Variants in FAM184A observed in about 807,000 individuals in gnomAD.
The protein encoded by FAM184A is family with sequence similarity 184 member A.
FAM184A carries 99 observed loss-of-function variants against 143.8 expected under a neutral mutation model. The ratio of observed to expected loss-of-function variants is 0.69; its 90% confidence interval spans 0.58 to 0.81. The LOEUF (loss-of-function observed/expected upper bound fraction) is 0.81. FAM184A is among the 40% of genes least tolerant of loss of function. FAM184A has a pLI of 0.00. For synonymous variants in FAM184A, 427 were observed against 446.4 expected (o/e 0.96, Z 0.55); for missense variants, 1,217 against 1,310.5 (o/e 0.93, Z 1.10).
At chr6:118,964,999 C>T (rs1277340832) in intron 15 of FAM184A, among the ~76,000 whole-genome samples, 1 of 152,126 alleles carries the variant, frequency 6.6e-6, no homozygotes, top group African/African-American at 2.4e-5. Flanking sequence ...CCTTTTCCTT[C>T]AAAAGTGGAC....
At chr6:119,109,212 G>A (rs1203709399) in intron 1 of FAM184A, among the ~76,000 whole-genome samples, 2 of 152,070 alleles carry the variant, frequency 1.3e-5, no homozygotes, top group East Asian at 3.9e-4. Flanking sequence ...TTGCTCTTAT[G>A]CTAATGTGTC....
intron 1 of FAM184A, among the ~76,000 whole-genome samples, chr6:119,063,768 C>G (rs559267672): frequency 1.3e-5 from 2 of 151,928 alleles, no homozygotes; most frequent in African/African-American, 4.8e-5. Context: ...AAAAAAAATG[C>G]GTCTTATTTT....
intron 1 of FAM184A, among the ~76,000 whole-genome samples, chr6:119,095,064 G>A (rs1788471738): frequency 6.6e-6 from 1 of 152,162 alleles, no homozygotes; most frequent in South Asian, 2.1e-4. Context: ...CTGTCAGCAT[G>A]CATAGGAAAG....
intron 1 of FAM184A, among the ~76,000 whole-genome samples, chr6:119,110,972 C>A (rs1788915292): frequency 7.0e-6 from 1 of 141,872 alleles, no homozygotes; most frequent in Admixed American, 7.1e-5. Flanking sequence ...CCACCTGTAA[C>A]TGAAGTGTGG....
In FAM184A at chr6:119,023,990, G is replaced by C; in HGVS notation, c.983C>G (p.Thr328Arg). 6.2e-7 allele frequency: 1 copy of C among 1,605,246 alleles called. No individual in the cohort carries two copies. The highest frequency in any genetic ancestry group is 8.5e-7 in the Non-Finnish European group (1 of 1,177,394). The change falls in exon 2 of 18, where the codon ACG becomes AGG. Residue 328 changes from threonine (T) to arginine (R), a missense_variant. Thr to Arg is a moderately conservative substitution (Grantham distance 71, BLOSUM62 -1). Coordinates refer to ENST00000338891, the MANE Select transcript of FAM184A (RefSeq NM_024581.6). ...ATTGTTCTCTGCTATGGCAAGTGCCGTCTGAAGCTTTTGGCATTTGTCAAG... is the reference window on the plus strand; with the variant it reads ...ATTGTTCTCTGCTATGGCAAGTGCCCTCTGAAGCTTTTGGCATTTGTCAAG... ...SLLDKCQKLQ[T>R]ALAIAENNVQ...
chr6:118,981,847 T>G (rs1784034845), intron 9 of FAM184A, among the ~76,000 whole-genome samples: 2 of 152,198 alleles, frequency 1.3e-5, no homozygotes, highest in South Asian at 4.1e-4. Flanking sequence ...TGTTTTAATG[T>G]ATTTCCGAAT....
At chr6:119,069,516 C>T (rs1009653489) in intron 1 of FAM184A, among the ~76,000 whole-genome samples, 17 of 152,122 alleles carry the variant, frequency 1.1e-4, no homozygotes, top group African/African-American at 4.1e-4. Context: ...ACCACCAAGG[C>T]CAATGTCTAG....
chr6:119,022,854 G>A, intron 3 of FAM184A, 91 bp downstream of exon 3: 1 of 1,508,196 alleles, frequency 6.6e-7, no homozygotes, highest in Non-Finnish European at 9.1e-7. Context: ...TCCCGTCTGG[G>A]CGACAGAGCA....
In FAM184A at chr6:118,961,793, T is replaced by C; in HGVS notation, c.3309A>G (p.Pro1103=). 1.9e-6 allele frequency: 3 copies of C among 1,613,862 alleles called. No individual in the cohort carries two copies. The highest frequency in any genetic ancestry group is 1.7e-6 in the Non-Finnish European group (2 of 1,179,830). Residue 1103 remains proline, a synonymous_variant, in exon 17 of 18, where the codon CCA becomes CCG. Coordinates refer to ENST00000338891, the MANE Select transcript of FAM184A (RefSeq NM_024581.6). ...ATGTCTTGGGCCCTTTAGGTGGCAC[T>C]GGCTGTGGAAGTGGTTTGCTGCTGT... ...EFNSSKPLPQ[P]VPPKGPKTFL...
chr6:119,101,591 C>T (rs369981440), intron 1 of FAM184A, among the ~76,000 whole-genome samples: 10 of 152,204 alleles, frequency 6.6e-5, no homozygotes, highest in African/African-American at 1.7e-4. Context: ...TCTATAATCG[C>T]GCAAATTTCT....
chr6:118,969,999 T>A lies in FAM184A; in HGVS notation c.2916-3047A>T, dbSNP rs1486266341. 1.8e-4 allele frequency among the ~76,000 whole-genome samples: 6 copies of A among 32,486 alleles called. No individual in the cohort carries two copies. In the South Asian group the frequency reaches 2.8e-3, roughly 15 times the overall value. 21.3% of individuals were successfully genotyped at this position (32,486 alleles called of 152,430 possible). ...TTTGGGTGTATATATATATAATATA[T>A]ATATATATATTTTTTTTTTTTTGAG... On this transcript the variant is annotated intron_variant, in intron 14 of 17. Transcript: ENST00000338891.
intron 16 of FAM184A, among the ~76,000 whole-genome samples, 164 bp downstream of exon 16, chr6:118,964,503 T>C (rs1783432817): frequency 6.6e-6 from 1 of 152,132 alleles, no homozygotes; most frequent in South Asian, 2.1e-4. Context: ...GTTTCATTCT[T>C]AAAATGAACA....
At chr6:119,117,755 C>A (rs1415181674) in intron 1 of FAM184A, among the ~76,000 whole-genome samples, 2 of 152,154 alleles carry the variant, frequency 1.3e-5, no homozygotes, top group Non-Finnish European at 2.9e-5. Flanking sequence ...AAATGGAGGA[C>A]TTGAACCCTC....
At chr6:118,975,805 G>T in intron 12 of FAM184A, 112 bp downstream of exon 12, 1 of 1,002,374 alleles carries the variant, frequency 1.0e-6, no homozygotes, top group Non-Finnish European at 1.4e-6. Context: ...AATATAAATA[G>T]AATGTGATAA....
At chr6:119,117,912 G>C (rs1789103850) in intron 1 of FAM184A, among the ~76,000 whole-genome samples, 1 of 152,206 alleles carries the variant, frequency 6.6e-6, no homozygotes, top group African/African-American at 2.4e-5. Context: ...AGCAGGACCA[G>C]TCAGGGACTC....
chr6:119,067,691 T>A (rs1282510576), intron 1 of FAM184A, among the ~76,000 whole-genome samples: 2 of 152,206 alleles, frequency 1.3e-5, no homozygotes, highest in Admixed American at 1.3e-4. Flanking sequence ...CCTAGCTCTG[T>A]ATTCTCCCTA....
intron 9 of FAM184A, among the ~76,000 whole-genome samples, chr6:118,985,632 T>C (rs901465859): frequency 2.0e-5 from 3 of 152,218 alleles, no homozygotes; most frequent in African/African-American, 7.2e-5. Context: ...CTCCTTCCTT[T>C]CTTCCCAGTT....
intron 1 of FAM184A, among the ~76,000 whole-genome samples, chr6:119,105,433 T>TGG (rs1788753898): frequency 1.3e-5 from 2 of 152,162 alleles, no homozygotes; most frequent in African/African-American, 4.8e-5. Context: ...CCCCCCTCAC[T>TGG]CGCTGTCTCT....
chr6:119,010,065 G>A (rs1186208397), intron 6 of FAM184A, among the ~76,000 whole-genome samples: 2 of 152,158 alleles, frequency 1.3e-5, no homozygotes, highest in African/African-American at 2.4e-5. Flanking sequence ...ACCCCTCAGT[G>A]TGGAAGCAGC....
Sources: allele counts gnomAD v4.1 joint callset (sites outside exome capture counted in the v4.1 genomes callset), GRCh38; gene constraint gnomAD v4.1.1; transcripts MANE v1.5; gene names NCBI Gene and HGNC (gene_info 2026-07-23, HGNC 2026-07-21).